Variants in ABCA3 observed in about 807,000 individuals in gnomAD.
ABCA3 encodes ATP binding cassette subfamily A member 3, also known as phospholipid-transporting ATPase ABCA3.
A neutral mutation model predicts 172.8 loss-of-function variants in ABCA3; 88 were observed. The observed-to-expected ratio is 0.51, with a 90% CI of 0.43 to 0.61. The LOEUF (loss-of-function observed/expected upper bound fraction) is 0.61. Among genes scored for constraint, ABCA3 ranks in the 20% least tolerant of loss-of-function variants. The pLI is 0.00. For missense variants in ABCA3, 2,164 were observed against 2,301.0 expected (o/e 0.94, Z 1.22); for synonymous variants, 1,066 against 983.8 (o/e 1.08, Z -1.56).
chr16:2,291,253 G>C (rs909203725), intron 19 of ABCA3, among the ~76,000 whole-genome samples: 1 of 152,078 alleles, frequency 6.6e-6, no homozygotes, highest in African/African-American at 2.4e-5. Flanking sequence ...TTGAATCTGG[G>C]AGGCAGAGGT....
At chr16:2,332,672 C>T (rs1015059467) in intron 1 of ABCA3, 8 of 1,600,824 alleles carry the variant, frequency 5.0e-6, no homozygotes, top group Middle Eastern at 2.3e-4. Flanking sequence ...AGACCATTGC[C>T]GCGTTTGCAG....
At chr16:2,304,955 G>C (rs1327815039) in intron 11 of ABCA3, among the ~76,000 whole-genome samples, 1 of 152,018 alleles carries the variant, frequency 6.6e-6, no homozygotes, top group African/African-American at 2.4e-5. Flanking sequence ...GATTACAGGC[G>C]TGAGCCACTG....
intron 1 of ABCA3, among the ~76,000 whole-genome samples, chr16:2,332,014 G>GC (rs1041123984): frequency 2.6e-5 from 4 of 152,304 alleles, no homozygotes; most frequent in Middle Eastern, 3.4e-3. Context: ...CTCAATGTTT[G>GC]TTTTTTAGGT....
In ABCA3 at chr16:2,286,525, G is replaced by A. The variant is rs2093663398; in HGVS notation, c.3278+169C>T. The stretch of plus-strand genomic sequence containing the variant: ...GCCCACAGCTGATCTGCTGTCACAG[G>A]GAGTTGGGGCTGTGGATGGTGGAGG... On this transcript the variant is annotated intron_variant, in intron 22 of 32. Coordinates refer to ENST00000301732, the MANE Select transcript of ABCA3 (RefSeq NM_001089.3). The surrounding 1 kb of genome is among the most constrained non-coding windows in gnomAD (Gnocchi z 5.2). 6.6e-6 allele frequency among the ~76,000 whole-genome samples: 1 copy of A among 152,232 alleles called. No homozygotes were observed. Among genetic ancestry groups the A allele is most frequent in the Admixed American group, 6.5e-5 (1 of 15,284 alleles).
rs760324258 is a variant in ABCA3 at position 2,284,936 on chromosome 16, C to A, written c.3546G>T (p.Leu1182=). The A allele has an allele frequency of 1.2e-6, 2 of 1,613,914 alleles. No homozygotes were observed. Among genetic ancestry groups the A allele is most frequent in the Non-Finnish European group, 1.7e-6 (2 of 1,180,006 alleles). The change falls in exon 24 of 33, where the codon CTG becomes CTT. Residue 1182 remains leucine (L), a synonymous_variant. Transcript: ENST00000301732. The surrounding 1 kb of genome is among the most constrained non-coding windows in gnomAD (Gnocchi z 5.9). ...CCCAGCCGTAGAGCAGGAGCAGCAG[C>A]AGGGTGTCAGCCATGTGGCCGTCCC... is the stretch of plus-strand genomic sequence containing the variant. ...FTRDGHMADT[L]LLLLLYGWAI...
At position 2,277,554 on chromosome 16, in the gene ABCA3, C is replaced by T; in HGVS notation, c.4983+43G>A. On this transcript the variant is annotated intron_variant, in intron 32 of 32. Coordinates refer to ENST00000301732, the MANE Select transcript of ABCA3 (RefSeq NM_001089.3). This position sits in a 1 kb window ranked among gnomAD's most constrained non-coding sequence, Gnocchi z 5.3. Reference sequence around the variant, plus strand: ...GGAGAGACCCCTGGAGGGACCTCCCCCTGCCCCATGAGTGCCCAGTGGGGC... The same window carrying T: ...GGAGAGACCCCTGGAGGGACCTCCCTCTGCCCCATGAGTGCCCAGTGGGGC... The T allele has an allele frequency of 1.2e-6, 2 of 1,604,250 alleles. No individual in the cohort carries two copies. Among genetic ancestry groups the T allele is most frequent in the East Asian group, 2.2e-5 (1 of 44,792 alleles).
At chr16:2,301,751 G>A (rs938547079) in intron 12 of ABCA3, among the ~76,000 whole-genome samples, 4 of 151,906 alleles carry the variant, frequency 2.6e-5, no homozygotes, top group African/African-American at 9.7e-5. Flanking sequence ...ACTAGCCATC[G>A]GTAGGGAATC....
chr16:2,312,268 G>A (rs2093707778), intron 10 of ABCA3, among the ~76,000 whole-genome samples: 1 of 152,126 alleles, frequency 6.6e-6, no homozygotes, highest in Admixed American at 6.6e-5. Flanking sequence ...AAACACCCGA[G>A]GGGGAATAAC....
rs1161192871 is a variant in ABCA3 at position 2,279,240 on chromosome 16, T to G, written c.4360-110A>C. On this transcript the variant is annotated intron_variant, in intron 28 of 32. Coordinates refer to ENST00000301732, the MANE Select transcript of ABCA3 (RefSeq NM_001089.3). This position sits in a 1 kb window ranked among gnomAD's most constrained non-coding sequence, Gnocchi z 4.4. The stretch of plus-strand genomic sequence containing the variant: ...TGCCCACCACTGCGCCTGTCTGTGG[T>G]TCCTGCCAGTGTGTGTACACGGGGG... 7.6e-7 allele frequency: 1 copy of G among 1,312,542 alleles called. No individual in the cohort carries two copies. Among genetic ancestry groups the G allele is most frequent in the East Asian group, 2.5e-5 (1 of 40,032 alleles). 81.3% of individuals were successfully genotyped at this position (1,312,542 alleles called of 1,614,324 possible).
intron 20 of ABCA3, 30 bp downstream of exon 20, chr16:2,289,404 C>CCCCCCCCCCCCCCCCCCCA: frequency 1.9e-6 from 3 of 1,555,378 alleles, no homozygotes; most frequent in African/African-American, 1.3e-5. Flanking sequence ...GCCCTTCCCC[C>CCCCCCCCCCCCCCCCCCCA]GCCACCCGCC....
Position 2,323,796 on chromosome 16 carries a change from C to G in ABCA3, c.448-108G>C, listed in dbSNP as rs1025452575. On this transcript the variant is annotated intron_variant, in intron 6 of 32. Coordinates refer to ENST00000301732, the MANE Select transcript of ABCA3 (RefSeq NM_001089.3). ...GGGGGCTGTCACAGCCGAGAACTCACCACTCCCCCGCCTCTGAGTATCTCC... is the reference window on the plus strand; with the variant it reads ...GGGGGCTGTCACAGCCGAGAACTCAGCACTCCCCCGCCTCTGAGTATCTCC... 8.0e-5 allele frequency: 94 copies of G among 1,181,710 alleles called. No homozygotes were observed. In the African/African-American group the frequency reaches 1.1e-3, roughly 14 times the overall value. 73.2% of individuals were successfully genotyped at this position (1,181,710 alleles called of 1,614,324 possible).
intron 5 of ABCA3, among the ~76,000 whole-genome samples, chr16:2,325,040 G>C (rs1261307350): frequency 6.6e-6 from 1 of 152,166 alleles, no homozygotes. Flanking sequence ...AGGAATTAAA[G>C]CCCGGGAGGT....
intron 20 of ABCA3, 77 bp from the exon 21 acceptor site, chr16:2,288,406 GCT>G: frequency 6.8e-7 from 1 of 1,480,056 alleles, no homozygotes; most frequent in Non-Finnish European, 9.0e-7. Flanking sequence ...TGCGGCAGGT[GCT>G]GTTCTGTGTG....
chr16:2,325,744 T>C (rs1309522348), intron 5 of ABCA3, among the ~76,000 whole-genome samples: 2 of 152,162 alleles, frequency 1.3e-5, no homozygotes, highest in Non-Finnish European at 2.9e-5. Flanking sequence ...TGGGTTAAAA[T>C]GTCACCAGGG....
rs34756902 is a variant in ABCA3 at position 2,326,362 on chromosome 16, G to A, written c.54+51C>T. 1,114 of 1,612,290 alleles carry A rather than the reference G, an allele frequency of 6.9e-4. 6 individuals are homozygous for A. The African/African-American group carries it at 0.012, about 17-fold the overall frequency. On this transcript the variant is annotated intron_variant, in intron 4 of 32. Transcript: ENST00000301732. ...GCCCTTCCCTCAAGGGCATCCCCAG[G>A]AGCCTCTGGGCTAGGCACGCAGCTG...
In ABCA3 at chr16:2,292,315, C is replaced by G. The variant is rs534906547; in HGVS notation, c.2415-77G>C. ...ATTTGTTCCTAAAGCATCACCCCCC[C>G]TCGGCCAGGCACAGTGCCTCACACC... is the stretch of plus-strand genomic sequence containing the variant. On this transcript the variant is annotated intron_variant, in intron 18 of 32. Transcript: ENST00000301732. The G allele has an allele frequency of 1.3e-5, 17 of 1,296,044 alleles. No individual in the cohort carries two copies. In the African/African-American group the frequency reaches 2.2e-4, roughly 17 times the overall value. The allele number at this position is 1,296,044 out of a possible 1,614,324, so 80.3% of individuals were successfully genotyped here.
chr16:2,310,172 G>A (rs542724136), intron 10 of ABCA3, among the ~76,000 whole-genome samples: 3 of 152,248 alleles, frequency 2.0e-5, no homozygotes, highest in African/African-American at 7.2e-5. Flanking sequence ...TTGGGAGGCT[G>A]AGGTGGGCAG....
intron 19 of ABCA3, among the ~76,000 whole-genome samples, chr16:2,291,258 A>G (rs2093671522): frequency 6.6e-6 from 1 of 151,902 alleles, no homozygotes. Flanking sequence ...TCTGGGAGGC[A>G]GAGGTTGCAG....
At chr16:2,311,123 G>A (rs1396291926) in intron 10 of ABCA3, among the ~76,000 whole-genome samples, 8 of 151,908 alleles carry the variant, frequency 5.3e-5, no homozygotes, top group African/African-American at 1.9e-4. Flanking sequence ...ACAGGCGAGC[G>A]CCACCACACC....
Sources: allele counts gnomAD v4.1 joint callset (sites outside exome capture counted in the v4.1 genomes callset), GRCh38; gene constraint gnomAD v4.1.1; non-coding constraint Gnocchi (gnomAD v3.1); transcripts MANE v1.5; gene names NCBI Gene and HGNC (gene_info 2026-07-23, HGNC 2026-07-21).